Variants in TBATA observed in about 807,000 individuals in gnomAD.
TBATA encodes the protein protein TBATA.
TBATA carries 47 observed loss-of-function variants against 38.7 expected under a neutral mutation model. The observed-to-expected ratio is 1.21, with a 90% CI of 0.96 to 1.55. The LOEUF is 1.55. Among genes scored for constraint, TBATA ranks in the 40% most tolerant of loss-of-function variants. The pLI is 0.00. For synonymous variants in TBATA, 183 were observed against 170.5 expected, an observed-to-expected ratio of 1.07 and a Z score of -0.57; for missense variants, 436 against 435.6, an observed-to-expected ratio of 1.00 and a Z score of -0.01.
At position 70,779,592 on chromosome 10, in the gene TBATA, C is replaced by T. The variant is rs776357283; in HGVS notation, c.427+1G>A. On this transcript the variant is annotated splice_donor_variant, in intron 5 of 10. Coordinates refer to ENST00000456372, the MANE Select transcript of TBATA (RefSeq NM_001318241.2). LOFTEE classifies it high-confidence loss of function. ...GAGGGAGGCATGGCCCAAGTACCCA[C>T]CAGAAGAAAGCTGGGGGTTCCGATT... 2 of 1,489,024 alleles carry T rather than the reference C, an allele frequency of 1.3e-6. No homozygotes were observed. Among genetic ancestry groups the T allele is most frequent in the Non-Finnish European group, 1.8e-6 (2 of 1,124,820 alleles). The allele number at this position is 1,489,024 out of a possible 1,614,324, so 92.2% of individuals were successfully genotyped here.
At chr10:70,780,421 G>C (rs1844044352) in intron 4 of TBATA, among the ~76,000 whole-genome samples, 1 of 151,962 alleles carries the variant, frequency 6.6e-6, no homozygotes, top group Admixed American at 6.6e-5. Flanking sequence ...TCTTGTCCCG[G>C]CTCCCTACCT....
chr10:70,771,269 T>C lies in TBATA; in HGVS notation c.*107A>G. 1 of 1,606,784 alleles carries C rather than the reference T, an allele frequency of 6.2e-7. No individual in the cohort carries two copies. On this transcript the variant is annotated 3_prime_UTR_variant, in exon 11 of 11. Coordinates refer to ENST00000456372, the MANE Select transcript of TBATA (RefSeq NM_001318241.2). Reference sequence around the variant, plus strand: ...GGAAGACGGTTTTATTTAGTAAGAGTTTTCACGGTAGGGAATCAGGTACTG... The same window carrying C: ...GGAAGACGGTTTTATTTAGTAAGAGCTTTCACGGTAGGGAATCAGGTACTG...
chr10:70,776,591 G>C (rs1245702834), intron 7 of TBATA, among the ~76,000 whole-genome samples: 2 of 152,240 alleles, frequency 1.3e-5, no homozygotes, highest in African/African-American at 4.8e-5. Flanking sequence ...GAAGGTGGCA[G>C]AATGCTGGGT....
Position 70,774,206 on chromosome 10 carries a change from G to A in TBATA, c.920+7C>T. On this transcript the variant is annotated splice_region_variant and intron_variant, in intron 9 of 10. Transcript: ENST00000456372. ...TGCAGAAGGGCAGGGCGGGGTGCGG[G>A]GCCCACCTGCAGGGTGGCTCTTGCT... 1.9e-6 allele frequency: 3 copies of A among 1,611,612 alleles called. No homozygotes were observed. Among genetic ancestry groups the A allele is most frequent in the East Asian group, 2.2e-5 (1 of 44,850 alleles).
rs1844493823 is a variant in TBATA at position 70,783,340 on chromosome 10, T to A, written c.40A>T (p.Ser14Cys). 1 of 1,614,066 alleles carries A rather than the reference T, an allele frequency of 6.2e-7. No individual in the cohort carries two copies. Among genetic ancestry groups the A allele is most frequent in the Admixed American group, 1.7e-5 (1 of 60,008 alleles). ...DVQLADYPLM[S>C]PKAELKLEKK... ...CAGGGTGGGCATTTGGAGCCTCACCTCATCAGTGGATAATCAGCCAATTGA... is the reference window on the plus strand; with the variant it reads ...CAGGGTGGGCATTTGGAGCCTCACCACATCAGTGGATAATCAGCCAATTGA... Residue 14 changes from serine (S) to cysteine (C), a missense_variant and splice_region_variant, in exon 3 of 11, where the codon AGT becomes TGT. Ser to Cys is a moderately radical substitution (Grantham distance 112, BLOSUM62 -1). Transcript: ENST00000456372.
chr10:70,773,469 C>CCCCT (rs1554826522), intron 9 of TBATA, among the ~76,000 whole-genome samples: 1 of 151,618 alleles, frequency 6.6e-6, no homozygotes, highest in Admixed American at 6.6e-5. Flanking sequence ...ATACAGGCCC[C>CCCCT]CCCGGCTTCA....
At chr10:70,781,308 T>A (rs1538680) in intron 4 of TBATA, among the ~76,000 whole-genome samples, 51,935 of 152,184 alleles carry the variant, frequency 0.34, 9,317 homozygotes, top group African/African-American at 0.43. Context: ...ATCTTCCCAC[T>A]GCAGCCTGGG....
At chr10:70,771,531 G>C in intron 10 of TBATA, 70 bp from the exon 11 acceptor site, 1 of 1,442,748 alleles carries the variant, frequency 6.9e-7, no homozygotes, top group Non-Finnish European at 9.6e-7. Flanking sequence ...AGCTGCAGGT[G>C]GATGTGTGAG....
Position 70,772,418 on chromosome 10 carries a change from A to G in TBATA, c.973+96T>C. On this transcript the variant is annotated intron_variant, in intron 10 of 10. Coordinates refer to ENST00000456372, the MANE Select transcript of TBATA (RefSeq NM_001318241.2). ...GATGAAATGAGCAGCATCCTTGGGC[A>G]GGGACTCATCTCCAAGTTGACTGGA... 3.6e-6 allele frequency: 4 copies of G among 1,111,784 alleles called. 1 individual carries two copies. The Admixed American group carries it at 5.1e-5, about 14-fold the overall frequency. 68.9% of individuals were successfully genotyped at this position (1,111,784 alleles called of 1,614,324 possible).
intron 6 of TBATA, 62 bp from the exon 7 acceptor site, chr10:70,777,400 G>C: frequency 6.7e-7 from 1 of 1,491,806 alleles, no homozygotes. Flanking sequence ...AGGGCTGAGG[G>C]GAGGAGAGGA....
chr10:70,772,313 C>T (rs1307845109), intron 10 of TBATA: 2 of 717,340 alleles, frequency 2.8e-6, no homozygotes, highest in East Asian at 5.4e-5. Flanking sequence ...AATTCTTCCT[C>T]ACTGATCCCC....
intron 3 of TBATA, chr10:70,782,402 C>CTGGGGA: frequency 7.6e-7 from 1 of 1,308,312 alleles, no homozygotes; most frequent in East Asian, 5.3e-5. Flanking sequence ...ATATACATCC[C>CTGGGGA]TGGGGATGGG....
Position 70,775,170 on chromosome 10 carries a change from T to G in TBATA, c.775+19A>C. 6.2e-7 allele frequency: 1 copy of G among 1,606,798 alleles called. No individual in the cohort carries two copies. Among genetic ancestry groups the G allele is most frequent in the Non-Finnish European group, 8.5e-7 (1 of 1,173,792 alleles). ...TTGGCAGCCTCCACTGAGACAGTGCTGCGGGGCTGTGTCCTCACCCTTGGG... is the reference window on the plus strand; with the variant it reads ...TTGGCAGCCTCCACTGAGACAGTGCGGCGGGGCTGTGTCCTCACCCTTGGG... On this transcript the variant is annotated intron_variant, in intron 8 of 10. Transcript: ENST00000456372.
intron 6 of TBATA, 53 bp from the exon 7 acceptor site, chr10:70,777,391 G>C (rs1589392811): frequency 6.5e-7 from 1 of 1,548,394 alleles, no homozygotes. Flanking sequence ...GGGAGGAAGA[G>C]GGCTGAGGGG....
chr10:70,778,553 C>T lies in TBATA; in HGVS notation c.507+4G>A, dbSNP rs889932563. The T allele has an allele frequency of 6.2e-7, 1 of 1,613,904 alleles. No individual in the cohort carries two copies. Among genetic ancestry groups the T allele is most frequent in the Non-Finnish European group, 8.5e-7 (1 of 1,179,798 alleles). ...CCAGACTAGCTCCTGTGTTCCGCAC[C>T]CACCTCTTTCTTCTTCAGTTCATCC... On this transcript the variant is annotated splice_donor_region_variant and intron_variant, in intron 6 of 10. Coordinates refer to ENST00000456372, the MANE Select transcript of TBATA (RefSeq NM_001318241.2).
rs1179145889 is a variant in TBATA, at chr10:70,779,541, T to G, written c.427+52A>C. 11 of 1,436,304 alleles carry G rather than the reference T, an allele frequency of 7.7e-6. No individual in the cohort carries two copies. In the Admixed American group the frequency reaches 1.5e-4, roughly 19 times the overall value. The allele number at this position is 1,436,304 out of a possible 1,614,324, so 89.0% of individuals were successfully genotyped here. On this transcript the variant is annotated intron_variant, in intron 5 of 10. Coordinates refer to ENST00000456372, the MANE Select transcript of TBATA (RefSeq NM_001318241.2). ...GGCACCCACCCAAGTGAGGCAGCCT[T>G]GGGGAGAGGCATGAGCCCCAGGGTA...
chr10:70,773,387 G>C (rs898385561), intron 9 of TBATA, among the ~76,000 whole-genome samples: 2 of 151,918 alleles, frequency 1.3e-5, no homozygotes, highest in Non-Finnish European at 2.9e-5. Context: ...GCTTTCATTT[G>C]CTCAGTCAAA....
At chr10:70,781,651 T>G (rs984241283) in intron 4 of TBATA, 150 bp downstream of exon 4, 2 of 745,972 alleles carry the variant, frequency 2.7e-6, no homozygotes, top group Non-Finnish European at 4.4e-6. Context: ...TGAGCAGTCC[T>G]GGCTGGGTTC....
At chr10:70,772,871 C>T (rs574735003) in intron 9 of TBATA, among the ~76,000 whole-genome samples, 6 of 152,326 alleles carry the variant, frequency 3.9e-5, no homozygotes, top group Admixed American at 2.0e-4. Context: ...TCTGCATCAG[C>T]CCTCCCCCTA....
Sources: allele counts gnomAD v4.1 joint callset (sites outside exome capture counted in the v4.1 genomes callset), GRCh38; gene constraint gnomAD v4.1.1; transcripts MANE v1.5; gene names NCBI Gene and HGNC (gene_info 2026-07-23, HGNC 2026-07-21).